Variants in GPC6 observed in about 807,000 individuals in gnomAD.
The protein encoded by GPC6 is glypican-6.
GPC6 carries 14 observed loss-of-function variants against 55.2 expected under a neutral mutation model. That is an observed-to-expected ratio of 0.25 (90% CI 0.17 to 0.40). The LOEUF is 0.40. GPC6 is among the 10% of genes least tolerant of loss of function. The pLI, the probability that GPC6 is intolerant of heterozygous loss-of-function variation, is 1.00. For missense variants in GPC6, 641 were observed against 708.5 expected (o/e 0.90, Z 1.08); for synonymous variants, 278 against 259.6 (o/e 1.07, Z -0.68).
chr13:93,627,512 C>G (rs1879252483), intron 2 of GPC6, among the ~76,000 whole-genome samples: 1 of 152,112 alleles, frequency 6.6e-6, no homozygotes, highest in South Asian at 2.1e-4. Flanking sequence ...GGTCACAGAT[C>G]CAAAACTTAT....
chr13:94,279,231 T>A (rs2139075028), intron 4 of GPC6, among the ~76,000 whole-genome samples: 1 of 152,306 alleles, frequency 6.6e-6, no homozygotes, highest in Admixed American at 6.5e-5. Context: ...CATAGAGGTG[T>A]TTATATTATT....
chr13:93,865,083 C>A (rs1000760988), intron 3 of GPC6, among the ~76,000 whole-genome samples: 9 of 151,524 alleles, frequency 5.9e-5, no homozygotes, highest in Non-Finnish European at 1.3e-4. Context: ...GTGGGTGACA[C>A]CATAAAAAAA....
At chr13:93,883,369 G>GTCCATTACATT (rs1875116667) in intron 3 of GPC6, among the ~76,000 whole-genome samples, 1 of 152,024 alleles carries the variant, frequency 6.6e-6, no homozygotes, top group African/African-American at 2.4e-5. Context: ...ATAGTTAATG[G>GTCCATTACATT]GCTGTAGTGT....
At chr13:93,430,756 T>C (rs1877325176) in intron 1 of GPC6, among the ~76,000 whole-genome samples, 1 of 152,180 alleles carries the variant, frequency 6.6e-6, no homozygotes, top group Non-Finnish European at 1.5e-5. Context: ...AGTGCTCCTT[T>C]AAATGCTTAT....
intron 3 of GPC6, 93 bp downstream of exon 3, chr13:93,830,638 A>G: frequency 9.5e-7 from 1 of 1,050,774 alleles, no homozygotes; most frequent in African/African-American, 1.7e-5. Context: ...AAAAAAAAAA[A>G]CCAAGGTAAA....
chr13:94,251,938 A>G (rs1407897712), intron 4 of GPC6, among the ~76,000 whole-genome samples: 1 of 152,074 alleles, frequency 6.6e-6, no homozygotes, highest in Non-Finnish European at 1.5e-5. Flanking sequence ...ACAGCTGTGA[A>G]ACATTAATCT....
At chr13:93,567,757 T>C (rs1206248349) in intron 2 of GPC6, among the ~76,000 whole-genome samples, 1 of 152,232 alleles carries the variant, frequency 6.6e-6, no homozygotes, top group East Asian at 1.9e-4. Flanking sequence ...TTTTACCCTA[T>C]TTATTGTTAG....
chr13:93,620,789 T>C (rs1226391222), intron 2 of GPC6, among the ~76,000 whole-genome samples: 8 of 152,174 alleles, frequency 5.3e-5, no homozygotes, highest in Admixed American at 5.2e-4. Context: ...TGTGGGTTAG[T>C]ATCTGTTTCC....
chr13:94,226,564 T>A (rs1890565086), intron 4 of GPC6, among the ~76,000 whole-genome samples: 1 of 152,152 alleles, frequency 6.6e-6, no homozygotes. Context: ...TTAAAAAAGG[T>A]ACCTGAGGCT....
intron 4 of GPC6, among the ~76,000 whole-genome samples, chr13:94,059,706 T>C (rs1378213312): frequency 6.6e-6 from 1 of 151,854 alleles, no homozygotes; most frequent in Admixed American, 6.6e-5. Context: ...CGCTGCTTGC[T>C]TTATATAAAG....
intron 7 of GPC6, among the ~76,000 whole-genome samples, chr13:94,383,859 G>A (rs948453373): frequency 2.0e-5 from 3 of 152,200 alleles, no homozygotes; most frequent in Non-Finnish European, 2.9e-5. Context: ...AGACAAAGGC[G>A]AAGCAGGTGC....
chr13:93,997,985 T>C (rs910600032), intron 3 of GPC6, among the ~76,000 whole-genome samples: 5 of 152,216 alleles, frequency 3.3e-5, no homozygotes, highest in Non-Finnish European at 7.3e-5. Flanking sequence ...CCTAGCCATG[T>C]TGATTTCAGG....
At chr13:94,247,071 C>T (rs1158903536) in intron 4 of GPC6, among the ~76,000 whole-genome samples, 2 of 152,000 alleles carry the variant, frequency 1.3e-5, no homozygotes, top group African/African-American at 2.4e-5. Flanking sequence ...AGGTCTTTTA[C>T]CTCCTTGGTT....
Position 93,376,529 on chromosome 13 carries a change from C to T in GPC6, c.160+148913C>T, listed in dbSNP as rs189125533. Reference sequence around the variant, plus strand: ...TGAACTCCTGTGAAGCCCTCTGTTTCGCTTTGGCTGTGCTTGATATAGCCA... The same window carrying T: ...TGAACTCCTGTGAAGCCCTCTGTTTTGCTTTGGCTGTGCTTGATATAGCCA... On this transcript the variant is annotated intron_variant, in intron 1 of 8. Transcript: ENST00000377047. Among the ~76,000 whole-genome samples, 263 of 152,194 alleles carry T rather than the reference C, an allele frequency of 1.7e-3. 2 individuals are homozygous for T. The highest frequency in any genetic ancestry group is 5.7e-3 in the African/African-American group (235 of 41,528).
At chr13:93,283,767 T>G (rs967459815) in intron 1 of GPC6, among the ~76,000 whole-genome samples, 1 of 152,220 alleles carries the variant, frequency 6.6e-6, no homozygotes, top group South Asian at 2.1e-4. Flanking sequence ...ATATATGTTT[T>G]CATATATTTG....
intron 3 of GPC6, among the ~76,000 whole-genome samples, chr13:93,968,494 G>A (rs1282684400): frequency 1.3e-5 from 2 of 152,040 alleles, no homozygotes; most frequent in South Asian, 2.1e-4. Flanking sequence ...AATGCATTCT[G>A]TTAATATAAG....
At chr13:93,498,746 G>T (rs1057245596) in intron 1 of GPC6, among the ~76,000 whole-genome samples, 6 of 152,124 alleles carry the variant, frequency 3.9e-5, no homozygotes, top group Non-Finnish European at 7.3e-5. Flanking sequence ...GTTGTTATCA[G>T]CAGCATTAAA....
intron 4 of GPC6, among the ~76,000 whole-genome samples, chr13:94,198,753 A>G (rs1282429384): frequency 6.6e-6 from 1 of 152,206 alleles, no homozygotes; most frequent in Non-Finnish European, 1.5e-5. Flanking sequence ...CACACATCTC[A>G]TAAGAGATTT....
rs1875864154 is a variant in GPC6 at position 93,227,964 on chromosome 13, C to G, written c.160+348C>G. 6.6e-6 allele frequency among the ~76,000 whole-genome samples: 1 copy of G among 152,168 alleles called. No homozygotes were observed. The highest frequency in any genetic ancestry group is 2.1e-4 in the South Asian group (1 of 4,834). On this transcript the variant is annotated intron_variant, in intron 1 of 8. Transcript: ENST00000377047. The surrounding 1 kb of genome is among the most constrained non-coding windows in gnomAD (Gnocchi z 4.3). ...TGCAAGGCGCAGACGGAGAGCCGAG[C>G]CGGGCGCTCACTCCGCGTTCTGGTT...
Sources: allele counts gnomAD v4.1 joint callset (sites outside exome capture counted in the v4.1 genomes callset), GRCh38; gene constraint gnomAD v4.1.1; non-coding constraint Gnocchi (gnomAD v3.1); transcripts MANE v1.5; gene names NCBI Gene and HGNC (gene_info 2026-07-23, HGNC 2026-07-21).